Variants in APLF observed in about 807,000 individuals in gnomAD.
The protein encoded by APLF is aprataxin and PNK-like factor.
APLF carries 61 observed loss-of-function variants against 55.6 expected under a neutral mutation model. The ratio of observed to expected loss-of-function variants is 1.10; its 90% CI spans 0.89 to 1.36. APLF has a LOEUF of 1.36. Ranked by LOEUF, APLF falls within the 40% of genes most tolerant of loss-of-function variation. The probability of loss-of-function intolerance (pLI) is 0.00; values close to 1 mark genes in which losing one functional copy is unlikely to be tolerated. For synonymous variants in APLF, 207 were observed against 214.8 expected (o/e 0.96, Z 0.32); for missense variants, 611 against 602.5 (o/e 1.01, Z -0.15).
intron 8 of APLF, among the ~76,000 whole-genome samples, chr2:68,547,275 G>A (rs759406483): frequency 2.0e-5 from 3 of 151,762 alleles, no homozygotes; most frequent in Non-Finnish European, 4.4e-5. Context: ...AAATGTTCAT[G>A]ATTGAATTAT....
intron 3 of APLF, among the ~76,000 whole-genome samples, chr2:68,505,987 A>G (rs1239548686): frequency 6.6e-6 from 1 of 151,886 alleles, no homozygotes; most frequent in Non-Finnish European, 1.5e-5. Flanking sequence ...TCCAAAAGTC[A>G]CCTCATTAAC....
At chr2:68,513,401 G>A in intron 4 of APLF, 147 bp from the exon 5 acceptor site, 2 of 1,227,898 alleles carry the variant, frequency 1.6e-6, no homozygotes. Context: ...TAAACTAATA[G>A]AAATAATTTC....
chr2:68,572,130 C>G (rs979073101), intron 9 of APLF, among the ~76,000 whole-genome samples: 3 of 143,868 alleles, frequency 2.1e-5, no homozygotes, highest in Non-Finnish European at 4.5e-5. Context: ...ACATGAAATT[C>G]TATAAACTGC....
chr2:68,499,377 G>T (rs546275717), intron 2 of APLF, among the ~76,000 whole-genome samples: 1 of 152,290 alleles, frequency 6.6e-6, no homozygotes, highest in East Asian at 1.9e-4. Context: ...TCTCATTGAA[G>T]CAGTTGGGAG....
At chr2:68,555,952 C>A (rs1670997397) in intron 8 of APLF, among the ~76,000 whole-genome samples, 1 of 152,136 alleles carries the variant, frequency 6.6e-6, no homozygotes, top group Non-Finnish European at 1.5e-5. Flanking sequence ...GGAACCAACC[C>A]AAATGCGCAT....
chr2:68,494,864 T>A (rs1676492502), intron 2 of APLF, among the ~76,000 whole-genome samples: 1 of 152,188 alleles, frequency 6.6e-6, no homozygotes, highest in South Asian at 2.1e-4. Context: ...GAGTATTCCA[T>A]GGTATATATA....
intron 1 of APLF, among the ~76,000 whole-genome samples, chr2:68,483,211 A>G (rs567159714): frequency 6.6e-6 from 1 of 152,248 alleles, no homozygotes; most frequent in African/African-American, 2.4e-5. Context: ...ACGAGCTCCT[A>G]CTGTGGAGTA....
intron 9 of APLF, among the ~76,000 whole-genome samples, chr2:68,576,624 A>C (rs1170747117): frequency 6.6e-6 from 1 of 152,134 alleles, no homozygotes; most frequent in Admixed American, 6.6e-5. Context: ...AGCTGTCTCA[A>C]ATCCTTTCTG....
chr2:68,542,293 T>C (rs1670573889), intron 7 of APLF, among the ~76,000 whole-genome samples: 1 of 151,864 alleles, frequency 6.6e-6, no homozygotes, highest in Admixed American at 6.6e-5. Context: ...AAAGCAAAAA[T>C]AGAAAAATTG....
chr2:68,573,093 T>G (rs1362379707), intron 9 of APLF, among the ~76,000 whole-genome samples: 5 of 152,214 alleles, frequency 3.3e-5, no homozygotes, highest in African/African-American at 1.2e-4. Context: ...TAATCCCATA[T>G]AGTAAATAAT....
At chr2:68,485,807 CTCT>C (rs1558528302) in intron 1 of APLF, among the ~76,000 whole-genome samples, 1 of 143,156 alleles carries the variant, frequency 7.0e-6, no homozygotes, top group African/African-American at 2.8e-5. Context: ...TTTTTATTAT[CTCT>C]TTTTTTTTTT....
chr2:68,478,315 A>G lies in APLF; in HGVS notation c.96+10488A>G, dbSNP rs187519458. ...AAAAAAAGGAAAAGGAAATTCATGA[A>G]GCTTTCACTGCAGCTATGCCAGCAG... On this transcript the variant is annotated intron_variant, in intron 1 of 9. Transcript: ENST00000303795. Among the ~76,000 whole-genome samples, 988 of 152,320 alleles carry G rather than the reference A, an allele frequency of 6.5e-3. 7 individuals are homozygous for G. The highest frequency in any genetic ancestry group is 0.023 in the African/African-American group (941 of 41,566).
intron 3 of APLF, among the ~76,000 whole-genome samples, chr2:68,505,018 C>G (rs1676833321): frequency 6.6e-6 from 1 of 151,918 alleles, no homozygotes; most frequent in South Asian, 2.1e-4. Flanking sequence ...TTTGTCAAAA[C>G]TAATCAAATT....
intron 8 of APLF, among the ~76,000 whole-genome samples, chr2:68,555,164 A>G (rs901355328): frequency 1.3e-5 from 2 of 152,198 alleles, no homozygotes; most frequent in Non-Finnish European, 2.9e-5. Flanking sequence ...TCAACTCAAG[A>G]TGGATCAAGG....
intron 6 of APLF, among the ~76,000 whole-genome samples, chr2:68,532,137 A>C (rs973995382): frequency 6.6e-6 from 1 of 152,154 alleles, no homozygotes; most frequent in African/African-American, 2.4e-5. Context: ...GAGTCTGAAC[A>C]CTGAACCTTT....
chr2:68,543,042 C>A (rs1426929165), intron 7 of APLF, among the ~76,000 whole-genome samples: 1 of 152,058 alleles, frequency 6.6e-6, no homozygotes, highest in Non-Finnish European at 1.5e-5. Flanking sequence ...ATAAACCAGT[C>A]ACAAAAAGAT....
chr2:68,567,123 T>A (rs1671331427), intron 8 of APLF, among the ~76,000 whole-genome samples: 1 of 152,082 alleles, frequency 6.6e-6, no homozygotes. Context: ...AGGTAAGAAC[T>A]TTGTCTTCTT....
At chr2:68,488,282 AT>A (rs1676247912) in intron 1 of APLF, among the ~76,000 whole-genome samples, 1 of 150,524 alleles carries the variant, frequency 6.6e-6, no homozygotes, top group African/African-American at 2.4e-5. Context: ...CTTTTGAATG[AT>A]TACATGTAGG....
chr2:68,510,130 A>T (rs1677001452), intron 3 of APLF, among the ~76,000 whole-genome samples: 1 of 151,526 alleles, frequency 6.6e-6, no homozygotes. Context: ...TGACGAGTTA[A>T]TGGGTGCAGC....
Sources: allele counts gnomAD v4.1 joint callset (sites outside exome capture counted in the v4.1 genomes callset), GRCh38; gene constraint gnomAD v4.1.1; transcripts MANE v1.5; gene names NCBI Gene and HGNC (gene_info 2026-07-23, HGNC 2026-07-21).